GAS7: variants seen among roughly 807,000 people sequenced by gnomAD.
The protein encoded by GAS7 is growth arrest-specific protein 7.
Under a neutral mutation model 71.1 loss-of-function variants are expected in GAS7, and 28 were observed. The observed-to-expected ratio is 0.39, with a 90% CI of 0.29 to 0.54. The LOEUF is 0.54. Among genes scored for constraint, GAS7 ranks in the 20% least tolerant of loss-of-function variants. GAS7 has a pLI of 0.62. For missense variants in GAS7, 436 were observed against 627.8 expected (o/e 0.69, Z 3.27); for synonymous variants, 258 against 245.8 (o/e 1.05, Z -0.46).
chr17:10,188,031 G>T (rs2074468884), intron 1 of GAS7, among the ~76,000 whole-genome samples: 1 of 152,098 alleles, frequency 6.6e-6, no homozygotes, highest in African/African-American at 2.4e-5. Flanking sequence ...ATCATTTGAG[G>T]TCAGGAGTTC....
At chr17:10,144,247 C>T (rs1160114611) in intron 1 of GAS7, among the ~76,000 whole-genome samples, 3 of 152,186 alleles carry the variant, frequency 2.0e-5, no homozygotes, top group Non-Finnish European at 4.4e-5. Flanking sequence ...GTTTTACTCT[C>T]CCTAAAACAG....
At chr17:9,927,334 C>CAA (rs1238561932) in intron 9 of GAS7, among the ~76,000 whole-genome samples, 4 of 148,214 alleles carry the variant, frequency 2.7e-5, no homozygotes, top group Non-Finnish European at 6.0e-5. Context: ...CACACACACA[C>CAA]AAATTAGCTG....
intron 3 of GAS7, among the ~76,000 whole-genome samples, chr17:9,972,531 C>T (rs1048802811): frequency 5.3e-5 from 8 of 152,122 alleles, no homozygotes; most frequent in Non-Finnish European, 1.2e-4. Context: ...ATAAAGAAGA[C>T]CCGAATAATT....
chr17:9,990,854 A>T (rs954386341), intron 2 of GAS7, among the ~76,000 whole-genome samples: 19 of 152,090 alleles, frequency 1.2e-4, no homozygotes, highest in African/African-American at 4.6e-4. Flanking sequence ...ATTGTGGTAT[A>T]CTCTAAGGTC....
chr17:10,086,675 T>C (rs921194157), intron 1 of GAS7, among the ~76,000 whole-genome samples: 6 of 152,210 alleles, frequency 3.9e-5, no homozygotes, highest in African/African-American at 1.4e-4. Context: ...AGCTTATTCA[T>C]TAATACACCT....
chr17:9,924,533 C>CCCG (rs2067929104), intron 11 of GAS7: 1 of 149,590 alleles, frequency 6.7e-6, no homozygotes, highest in South Asian at 2.1e-4. Context: ...CTGTGCCCCC[C>CCCG]CTTCTCTCTA....
chr17:10,019,395 C>T (rs1251126821), intron 2 of GAS7, among the ~76,000 whole-genome samples: 3 of 152,180 alleles, frequency 2.0e-5, no homozygotes, highest in Non-Finnish European at 4.4e-5. Flanking sequence ...TCCAAGACAT[C>T]ATGCAGTGAC....
rs1481542163 is a variant in GAS7, at chr17:9,974,413, G to A, written c.386-4651C>T. Among the ~76,000 whole-genome samples, 4 of 152,004 alleles carry A rather than the reference G, an allele frequency of 2.6e-5. No individual in the cohort carries two copies. Among genetic ancestry groups the A allele is most frequent in the African/African-American group, 2.4e-5 (1 of 41,368 alleles). On this transcript the variant is annotated intron_variant, in intron 3 of 13. Coordinates refer to ENST00000432992, the MANE Select transcript of GAS7 (RefSeq NM_201433.2). This position sits in a 1 kb window ranked among gnomAD's most constrained non-coding sequence, Gnocchi z 4.0. The stretch of plus-strand genomic sequence containing the variant: ...GGGTCAGCCACAAAACAAATGAGGC[G>A]AGAAGTGGGTGCTTCTGGGGCCTCC...
intron 2 of GAS7, among the ~76,000 whole-genome samples, chr17:9,999,030 T>C (rs1316392861): frequency 2.0e-5 from 3 of 152,174 alleles, no homozygotes; most frequent in Non-Finnish European, 4.4e-5. Context: ...AAGCAGTGCT[T>C]CCATAATCTC....
chr17:10,097,645 GGCTCTGTGC>G (rs2073655623), intron 1 of GAS7, among the ~76,000 whole-genome samples: 1 of 152,102 alleles, frequency 6.6e-6, no homozygotes, highest in Admixed American at 6.5e-5. Flanking sequence ...AACCCATGTG[GGCTCTGTGC>G]TTCTATCGGA....
At chr17:10,164,004 G>T (rs1401649328) in intron 1 of GAS7, among the ~76,000 whole-genome samples, 1 of 152,160 alleles carries the variant, frequency 6.6e-6, no homozygotes, top group African/African-American at 2.4e-5. Flanking sequence ...GCTCCCATGA[G>T]GCCCCAGCTC....
At chr17:10,192,921 G>A (rs187951224) in intron 1 of GAS7, among the ~76,000 whole-genome samples, 2 of 152,214 alleles carry the variant, frequency 1.3e-5, no homozygotes, top group East Asian at 3.9e-4. Flanking sequence ...CGAGCCACAA[G>A]CCCTAATTGC....
At chr17:10,181,856 T>G (rs555074258) in intron 1 of GAS7, among the ~76,000 whole-genome samples, 5 of 152,136 alleles carry the variant, frequency 3.3e-5, no homozygotes, top group Non-Finnish European at 1.5e-5. Flanking sequence ...AAAACCAAGA[T>G]GGCAGCCAGA....
chr17:10,035,419 T>A (rs2072724389), intron 1 of GAS7, among the ~76,000 whole-genome samples: 1 of 152,206 alleles, frequency 6.6e-6, no homozygotes, highest in Non-Finnish European at 1.5e-5. Flanking sequence ...GTAGTTCAGA[T>A]GCACGTTAAC....
intron 1 of GAS7, among the ~76,000 whole-genome samples, chr17:10,058,217 A>G (rs1306414783): frequency 1.3e-5 from 2 of 152,148 alleles, no homozygotes; most frequent in African/African-American, 4.8e-5. Flanking sequence ...AAATCTCCCA[A>G]TGCGAGAAAT....
At chr17:10,091,060 G>A (rs558657272) in intron 1 of GAS7, among the ~76,000 whole-genome samples, 6 of 152,116 alleles carry the variant, frequency 3.9e-5, no homozygotes, top group Non-Finnish European at 7.4e-5. Flanking sequence ...CAAGGGCCAC[G>A]CACAGCCCAG....
chr17:10,117,899 G>C (rs2073874121), intron 1 of GAS7, among the ~76,000 whole-genome samples: 1 of 152,088 alleles, frequency 6.6e-6, no homozygotes. Context: ...AATGTGGAAT[G>C]TGAGAAAAAA....
chr17:10,085,936 G>C (rs982449446), intron 1 of GAS7, among the ~76,000 whole-genome samples: 16 of 152,146 alleles, frequency 1.1e-4, no homozygotes, highest in African/African-American at 3.9e-4. Flanking sequence ...AAAAAGCCTA[G>C]CTCTTGTCAC....
chr17:10,117,798 T>C (rs1037004344), intron 1 of GAS7, among the ~76,000 whole-genome samples: 5 of 152,136 alleles, frequency 3.3e-5, no homozygotes, highest in Non-Finnish European at 2.9e-5. Flanking sequence ...TGTGGCTCAG[T>C]CCAAGGCTAC....
Sources: gnomAD v4.1 joint callset for allele counts (sites outside exome capture counted in the v4.1 genomes callset) on GRCh38, gnomAD v4.1.1 for gene constraint, Gnocchi (gnomAD v3.1) non-coding constraint, MANE v1.5 for transcripts, NCBI Gene and HGNC (gene_info 2026-07-23, HGNC 2026-07-21) for gene names.